The following EXTL3 variants were observed in gnomAD, a reference collection of about 807,000 sequenced individuals.
EXTL3 encodes the protein exostosin like glycosyltransferase 3, also known as exostosin-like 3.
Under a neutral mutation model 69.3 loss-of-function variants are expected in EXTL3, and 27 were observed. The observed-to-expected ratio is 0.39, with a 90% CI of 0.29 to 0.54. The LOEUF is 0.54. EXTL3 is among the 20% of genes least tolerant of loss of function. EXTL3 has a pLI of 0.69. For synonymous variants in EXTL3, 511 were observed against 499.4 expected, an observed-to-expected ratio of 1.02 and a Z score of -0.31; for missense variants, 1,003 against 1,231.8, an observed-to-expected ratio of 0.81 and a Z score of 2.78.
intron 1 of EXTL3, among the ~76,000 whole-genome samples, chr8:28,668,863 C>CTTTTTT (rs1563442051): frequency 2.7e-5 from 1 of 37,524 alleles, no homozygotes; most frequent in African/African-American, 2.3e-4. Flanking sequence ...TTGATAGAAT[C>CTTTTTT]TCTTTTTTTT....
chr8:28,609,736 A>T (rs1341797382), intron 2 of EXTL3, among the ~76,000 whole-genome samples: 5 of 151,864 alleles, frequency 3.3e-5, no homozygotes, highest in Non-Finnish European at 5.9e-5. Context: ...AAAAATTTTT[A>T]AAAAATAACT....
At chr8:28,702,003 C>T (rs1800813961) in intron 1 of EXTL3, among the ~76,000 whole-genome samples, 1 of 152,018 alleles carries the variant, frequency 6.6e-6, no homozygotes, top group East Asian at 1.9e-4. Context: ...TTTTTTTGGA[C>T]GCTCGGCTGC....
At chr8:28,610,014 G>A (rs867734022) in intron 2 of EXTL3, among the ~76,000 whole-genome samples, 8 of 151,656 alleles carry the variant, frequency 5.3e-5, no homozygotes, top group South Asian at 2.1e-4. Flanking sequence ...GACCAGCCTG[G>A]CCAACATGGT....
intron 1 of EXTL3, among the ~76,000 whole-genome samples, chr8:28,702,087 C>G (rs540319000): frequency 3.9e-4 from 60 of 152,356 alleles, no homozygotes; most frequent in African/African-American, 1.4e-3. Flanking sequence ...GCTGCTGGCC[C>G]GGAGCATCTT....
intron 1 of EXTL3, among the ~76,000 whole-genome samples, chr8:28,659,923 C>G (rs1410079787): frequency 6.6e-6 from 1 of 152,144 alleles, no homozygotes; most frequent in Non-Finnish European, 1.5e-5. Context: ...CACTCTTTGG[C>G]TTGAATATCC....
At chr8:28,611,182 C>G (rs1419894636) in intron 2 of EXTL3, among the ~76,000 whole-genome samples, 2 of 152,182 alleles carry the variant, frequency 1.3e-5, no homozygotes, top group Admixed American at 6.5e-5. Flanking sequence ...GGTGCAGTGG[C>G]TCAGGCCTGT....
chr8:28,639,269 G>A (rs549489775), intron 1 of EXTL3, among the ~76,000 whole-genome samples: 4 of 152,062 alleles, frequency 2.6e-5, no homozygotes, highest in African/African-American at 4.8e-5. Flanking sequence ...CCCCAACATC[G>A]GCTTAGTCAC....
chr8:28,756,397 GT>G (rs1298450657), downstream of EXTL3, among the ~76,000 whole-genome samples: 1 of 152,114 alleles, frequency 6.6e-6, no homozygotes, highest in Non-Finnish European at 1.5e-5. Context: ...CCAGCATAAC[GT>G]TTTGGAGATG....
Position 28,614,119 on chromosome 8 carries a change from C to T in EXTL3, n.314+6361C>T, listed in dbSNP as rs147757693. Among the ~76,000 whole-genome samples, 1,360 of 152,084 alleles carry T rather than the reference C, an allele frequency of 8.9e-3. 6 individuals are homozygous for T. The highest frequency in any genetic ancestry group is 0.014 in the Non-Finnish European group (968 of 67,992). On this transcript the variant is annotated intron_variant and non_coding_transcript_variant, in intron 2 of 4. Transcript: ENST00000522725. ...CCCTAGGATTATAGGCATGAGTCAT[C>T]GAACCCAGTCAGGTTTATCAATTTT... is the stretch of plus-strand genomic sequence containing the variant.
intron 1 of EXTL3, among the ~76,000 whole-genome samples, chr8:28,695,132 T>A (rs955106011): frequency 2.7e-5 from 4 of 150,938 alleles, no homozygotes; most frequent in Admixed American, 6.6e-5. Flanking sequence ...AATGAGGATT[T>A]TTTTTTTTTT....
intron 3 of EXTL3, among the ~76,000 whole-genome samples, chr8:28,728,124 G>T (rs1272223856): frequency 6.6e-6 from 1 of 152,228 alleles, no homozygotes; most frequent in African/African-American, 2.4e-5. Context: ...AGGGGAGTTT[G>T]TTGAGGGAGT....
chr8:28,624,635 T>A (rs1806464242), intron 1 of EXTL3, among the ~76,000 whole-genome samples: 1 of 151,906 alleles, frequency 6.6e-6, no homozygotes, highest in Non-Finnish European at 1.5e-5. Context: ...CAAGAAAAAA[T>A]TAGTATATGT....
Position 28,717,166 on chromosome 8 carries a change from C to T in EXTL3, c.1107C>T (p.Gly369=), listed in dbSNP as rs772500649. The T allele has an allele frequency of 2.1e-5, 34 of 1,614,094 alleles. No homozygotes were observed. The highest frequency in any genetic ancestry group is 1.6e-4 in the Middle Eastern group (1 of 6,084). ...EARSFEEEME[G]DPPADYDDRI... is the part of the protein sequence containing the mutation. ...GCTCCTTCGAAGAGGAAATGGAGGG[C>T]GACCCTCCCGCCGACTACGATGACC... is the stretch of plus-strand genomic sequence containing the variant. Residue 369 remains glycine (G), a synonymous_variant, in exon 3 of 7, where the codon GGC becomes GGT. Transcript: ENST00000220562. This position sits in a 1 kb window ranked among gnomAD's most constrained non-coding sequence, Gnocchi z 8.3.
intron 1 of EXTL3, among the ~76,000 whole-genome samples, chr8:28,656,073 A>G (rs967624447): frequency 6.6e-6 from 1 of 152,158 alleles, no homozygotes; most frequent in Non-Finnish European, 1.5e-5. Context: ...CATTTCAGGG[A>G]AGCAACTGCC....
At chr8:28,664,642 A>G (rs1456415906) in intron 1 of EXTL3, among the ~76,000 whole-genome samples, 1 of 152,180 alleles carries the variant, frequency 6.6e-6, no homozygotes, top group Non-Finnish European at 1.5e-5. Context: ...TCCAGAGTTC[A>G]AGATATTCCT....
intron 1 of EXTL3, among the ~76,000 whole-genome samples, chr8:28,691,892 C>T (rs240930): frequency 0.25 from 37,382 of 151,474 alleles, 4,739 homozygotes; most frequent in Middle Eastern, 0.33. Context: ...AGCGAAACTC[C>T]GTCTCAAAAA....
intron 4 of EXTL3, among the ~76,000 whole-genome samples, chr8:28,732,034 TAGAAG>T (rs1379596816): frequency 1.3e-5 from 2 of 152,132 alleles, no homozygotes; most frequent in Non-Finnish European, 2.9e-5. Context: ...TAAATTGAGA[TAGAAG>T]AGAACAGAAC....
chr8:28,677,473 C>T (rs764026959), intron 1 of EXTL3, among the ~76,000 whole-genome samples: 39 of 152,190 alleles, frequency 2.6e-4, no homozygotes, highest in Middle Eastern at 3.4e-3. Flanking sequence ...AATAGATTTT[C>T]GACAACACAA....
At position 28,614,272 on chromosome 8, in the gene EXTL3, CTT is replaced by C. The variant is rs35659799; in HGVS notation, n.314+6533_314+6534del. On this transcript the variant is annotated intron_variant and non_coding_transcript_variant, in intron 2 of 4. Transcript: ENST00000522725. ...TCTGTTTACTTTGTGGGGTTTTTTG[CTT>C]TTTTTTTTTTTTTTTTTTGGATAGG... Among the ~76,000 whole-genome samples the C allele has an allele frequency of 7.8e-3, 822 of 104,804 alleles. 5 individuals are homozygous for C. Among genetic ancestry groups the C allele is most frequent in the African/African-American group, 0.032 (778 of 24,540 alleles). The allele number at this position is 104,804 out of a possible 152,430, so 68.8% of individuals were successfully genotyped here.
Sources: gnomAD v4.1 joint callset for allele counts (sites outside exome capture counted in the v4.1 genomes callset) on GRCh38, gnomAD v4.1.1 for gene constraint, Gnocchi (gnomAD v3.1) non-coding constraint, MANE v1.5 for transcripts, NCBI Gene and HGNC (gene_info 2026-07-23, HGNC 2026-07-21) for gene names.